GRM7: variants seen among roughly 807,000 people sequenced by gnomAD.
The protein encoded by GRM7 is metabotropic glutamate receptor 7.
In GRM7, 35 loss-of-function variants were observed where a neutral mutation model predicts 84.5. That is an observed-to-expected ratio of 0.41 (90% CI 0.32 to 0.55). The LOEUF (loss-of-function observed/expected upper bound fraction) is 0.55, where lower values mean the gene tolerates loss of function less well. GRM7 is among the 20% of genes least tolerant of loss of function. The pLI is 0.19. For synonymous variants in GRM7, 487 were observed against 455.1 expected, an observed-to-expected ratio of 1.07 and a Z score of -0.89; for missense variants, 1,003 against 1,194.6, an observed-to-expected ratio of 0.84 and a Z score of 2.36.
chr3:7,260,504 G>A (rs1313535534), intron 2 of GRM7, among the ~76,000 whole-genome samples: 1 of 152,166 alleles, frequency 6.6e-6, no homozygotes, highest in Non-Finnish European at 1.5e-5. Context: ...GGTGTTCACA[G>A]TAGTATCTGA....
intron 1 of GRM7, among the ~76,000 whole-genome samples, chr3:6,974,627 T>C (rs565765049): frequency 6.6e-6 from 1 of 152,230 alleles, no homozygotes; most frequent in South Asian, 2.1e-4. Flanking sequence ...GTGCATGAGA[T>C]GTTTCAAGGA....
chr3:7,270,848 A>G (rs1296717270), intron 2 of GRM7, among the ~76,000 whole-genome samples: 1 of 152,202 alleles, frequency 6.6e-6, no homozygotes, highest in Non-Finnish European at 1.5e-5. Flanking sequence ...TTGAAGAGAA[A>G]GGCATACCAG....
chr3:7,669,369 G>A (rs934895876), intron 8 of GRM7, among the ~76,000 whole-genome samples: 1 of 152,170 alleles, frequency 6.6e-6, no homozygotes, highest in African/African-American at 2.4e-5. Flanking sequence ...AAGGCAGAAG[G>A]AACAACATGT....
intron 5 of GRM7, among the ~76,000 whole-genome samples, chr3:7,431,408 G>T (rs999932796): frequency 6.6e-6 from 1 of 152,046 alleles, no homozygotes; most frequent in Non-Finnish European, 1.5e-5. Flanking sequence ...CCTTCTTAGT[G>T]GGGGGAGATT....
intron 1 of GRM7, among the ~76,000 whole-genome samples, chr3:7,004,556 CT>C (rs930424557): frequency 2.6e-5 from 4 of 152,060 alleles, no homozygotes; most frequent in Admixed American, 6.6e-5. Flanking sequence ...CTGATCAAGA[CT>C]TTTTTAATGA....
intron 8 of GRM7, among the ~76,000 whole-genome samples, chr3:7,591,116 T>C (rs1695761121): frequency 6.6e-6 from 1 of 152,114 alleles, no homozygotes; most frequent in Admixed American, 6.5e-5. Context: ...TCTGTGAAAA[T>C]AAGAAAGTAG....
intron 2 of GRM7, among the ~76,000 whole-genome samples, chr3:7,260,859 C>T (rs916846222): frequency 1.2e-4 from 18 of 152,268 alleles, no homozygotes; most frequent in African/African-American, 4.1e-4. Flanking sequence ...GTGTTTAATG[C>T]TGTAAATTTC....
chr3:7,659,288 G>GAGAT (rs1478583080), intron 8 of GRM7, among the ~76,000 whole-genome samples: 1 of 152,140 alleles, frequency 6.6e-6, no homozygotes, highest in Non-Finnish European at 1.5e-5. Flanking sequence ...TGCAGTACAG[G>GAGAT]AGATAGCCTG....
chr3:7,252,245 A>G (rs971194727), intron 2 of GRM7, among the ~76,000 whole-genome samples: 4 of 152,128 alleles, frequency 2.6e-5, no homozygotes, highest in Non-Finnish European at 5.9e-5. Context: ...GGTGGTTGGA[A>G]AATGCTCTGA....
chr3:7,662,480 T>C (rs914941081), intron 8 of GRM7, among the ~76,000 whole-genome samples: 1 of 152,120 alleles, frequency 6.6e-6, no homozygotes. Flanking sequence ...GTATGAACCT[T>C]GATTGTATTT....
chr3:7,208,607 A>G (rs947961082), intron 2 of GRM7, among the ~76,000 whole-genome samples: 1 of 152,192 alleles, frequency 6.6e-6, no homozygotes, highest in Non-Finnish European at 1.5e-5. Context: ...CACCAAGTAT[A>G]ATAAACACTA....
At position 6,862,057 on chromosome 3, in the gene GRM7, GA is replaced by G. The variant is rs1694773176; in HGVS notation, c.519+151del. ...CTGCCGAATCCCTCCCACCCCGCTC[GA>G]GGAGATACCTTCCCTGCTTGGTTTA... is the stretch of plus-strand genomic sequence containing the variant. On this transcript the variant is annotated intron_variant, in intron 1 of 9. Coordinates refer to ENST00000357716, the MANE Select transcript of GRM7 (RefSeq NM_000844.4). This position sits in a 1 kb window ranked among gnomAD's most constrained non-coding sequence, Gnocchi z 5.2. 4.7e-6 allele frequency: 3 copies of G among 641,056 alleles called. No individual in the cohort carries two copies. Among genetic ancestry groups the G allele is most frequent in the Admixed American group, 5.9e-5 (2 of 33,984 alleles). 39.7% of individuals were successfully genotyped at this position (641,056 alleles called of 1,614,324 possible). A position where few individuals can be genotyped will look rare whatever the true frequency, so the allele number is the denominator to read the frequency against.
At chr3:6,953,937 A>C (rs1374068321) in intron 1 of GRM7, among the ~76,000 whole-genome samples, 2 of 152,050 alleles carry the variant, frequency 1.3e-5, no homozygotes, top group Non-Finnish European at 2.9e-5. Context: ...AGCAATTCAT[A>C]ATCAAAGCTC....
chr3:6,871,931 A>G (rs1695135785), intron 1 of GRM7, among the ~76,000 whole-genome samples: 1 of 152,132 alleles, frequency 6.6e-6, no homozygotes, highest in Non-Finnish European at 1.5e-5. Context: ...AAGATTAAAA[A>G]AAATCCCCAA....
chr3:7,518,724 C>A (rs1700483236), intron 7 of GRM7, among the ~76,000 whole-genome samples: 1 of 152,168 alleles, frequency 6.6e-6, no homozygotes, highest in African/African-American at 2.4e-5. Flanking sequence ...AAAACCATAG[C>A]TGCTCAAATA....
At chr3:7,011,386 C>T (rs1388183756) in intron 1 of GRM7, among the ~76,000 whole-genome samples, 1 of 152,042 alleles carries the variant, frequency 6.6e-6, no homozygotes, top group African/African-American at 2.4e-5. Flanking sequence ...CTTAATGCCA[C>T]CTTTTATTTT....
rs1371849945 is a variant in GRM7, at chr3:7,590,489, A to G, written c.2451+11132A>G. The stretch of plus-strand genomic sequence containing the variant: ...TTATATGACCTGCAAAGCTAAAAAT[A>G]TTTATAAACCGGAACTTTACCAGTA... On this transcript the variant is annotated intron_variant, in intron 8 of 9. Transcript: ENST00000357716. Among the ~76,000 whole-genome samples the G allele has an allele frequency of 2.6e-5, 4 of 152,198 alleles. No homozygotes were observed. The East Asian group carries it at 7.7e-4, about 29-fold the overall frequency.
At position 7,107,569 on chromosome 3, in the gene GRM7, T is replaced by C. The variant is rs142551433; in HGVS notation, c.520-38883T>C. On this transcript the variant is annotated intron_variant, in intron 1 of 9. Coordinates refer to ENST00000357716, the MANE Select transcript of GRM7 (RefSeq NM_000844.4). The stretch of plus-strand genomic sequence containing the variant: ...AAATAGTGCTGATCACAACTAAATA[T>C]TACAAAACAGATGCTGGGATAAAAG... Among the ~76,000 whole-genome samples the C allele has an allele frequency of 1.1e-4, 17 of 152,158 alleles. No homozygotes were observed. The East Asian group carries it at 2.9e-3, about 26-fold the overall frequency.
At chr3:6,941,234 C>A (rs1051064793) in intron 1 of GRM7, among the ~76,000 whole-genome samples, 7 of 152,192 alleles carry the variant, frequency 4.6e-5, no homozygotes, top group African/African-American at 1.7e-4. Flanking sequence ...GGCTAGAACC[C>A]TCTGCTTTAG....
Sources: allele counts gnomAD v4.1 joint callset (sites outside exome capture counted in the v4.1 genomes callset), GRCh38; gene constraint gnomAD v4.1.1; non-coding constraint Gnocchi (gnomAD v3.1); transcripts MANE v1.5; gene names NCBI Gene and HGNC (gene_info 2026-07-23, HGNC 2026-07-21).